Variants in SLC25A13 observed in about 807,000 individuals in gnomAD.
SLC25A13 encodes the protein electrogenic aspartate/glutamate antiporter SLC25A13, mitochondrial.
SLC25A13 carries 70 observed loss-of-function variants against 85.5 expected under a neutral mutation model. That is an observed-to-expected ratio of 0.82 (90% CI 0.68 to 1.00). The LOEUF is 1.00. Ranked by LOEUF, SLC25A13 falls within the 50% of genes least tolerant of loss-of-function variation. SLC25A13 has a pLI of 0.00. For synonymous variants in SLC25A13, 259 were observed against 288.7 expected (o/e 0.90, Z 1.04); for missense variants, 765 against 819.8 (o/e 0.93, Z 0.82).
intron 5 of SLC25A13, among the ~76,000 whole-genome samples, chr7:96,199,100 G>T (rs1309509538): frequency 6.6e-6 from 1 of 152,132 alleles, no homozygotes; most frequent in Non-Finnish European, 1.5e-5. Context: ...TCATCTCTTT[G>T]AATCCTCTCC....
At chr7:96,150,157 G>A (rs910248444) in intron 13 of SLC25A13, among the ~76,000 whole-genome samples, 17 of 151,536 alleles carry the variant, frequency 1.1e-4, no homozygotes, top group Middle Eastern at 6.8e-3. Context: ...TTATCATCTA[G>A]TATCTGGATC....
intron 13 of SLC25A13, among the ~76,000 whole-genome samples, chr7:96,148,685 C>T (rs753825502): frequency 6.6e-6 from 1 of 152,056 alleles, no homozygotes; most frequent in Non-Finnish European, 1.5e-5. Flanking sequence ...TTTTTTGAAG[C>T]TCAAAAGAGG....
In SLC25A13 at chr7:96,171,538, A is replaced by G; in HGVS notation, c.1178-14T>C. On this transcript the variant is annotated splice_polypyrimidine_tract_variant and intron_variant, in intron 11 of 17. Coordinates refer to ENST00000265631, the MANE Select transcript of SLC25A13 (RefSeq NM_014251.3). ...GTGGCAACAGACCTAAAAATCAACA[A>G]AAAGTAGAAGTATATTAAATAAATT... 1 of 1,605,682 alleles carries G rather than the reference A, an allele frequency of 6.2e-7. No homozygotes were observed. Among genetic ancestry groups the G allele is most frequent in the Non-Finnish European group, 8.5e-7 (1 of 1,172,486 alleles).
intron 1 of SLC25A13, among the ~76,000 whole-genome samples, chr7:96,311,953 T>C (rs1799967581): frequency 6.6e-6 from 1 of 152,178 alleles, no homozygotes. Context: ...GTTCACAAAC[T>C]GCTGTGAAGA....
At chr7:96,187,430 C>A (rs938962774) in intron 9 of SLC25A13, among the ~76,000 whole-genome samples, 2 of 152,178 alleles carry the variant, frequency 1.3e-5, no homozygotes, top group African/African-American at 2.4e-5. Context: ...CAAAACATTT[C>A]TTTTGCAAAT....
chr7:96,272,271 A>C (rs112621628), intron 3 of SLC25A13, among the ~76,000 whole-genome samples: 1,548 of 152,302 alleles, frequency 0.01, 27 homozygotes, highest in African/African-American at 0.036. Context: ...AAGGCCCATA[A>C]ACATATTAAT....
At chr7:96,223,471 A>T (rs1944143738) in intron 4 of SLC25A13, among the ~76,000 whole-genome samples, 1 of 152,158 alleles carries the variant, frequency 6.6e-6, no homozygotes, top group Admixed American at 6.5e-5. Context: ...TCTACTTGTG[A>T]CTTTCCTCAG....
At chr7:96,321,638 G>A (rs1366292357) in intron 1 of SLC25A13, among the ~76,000 whole-genome samples, 6 of 152,120 alleles carry the variant, frequency 3.9e-5, no homozygotes, top group African/African-American at 7.2e-5. Flanking sequence ...CCCCAGTCGC[G>A]CCCGCTCCTC....
intron 3 of SLC25A13, among the ~76,000 whole-genome samples, chr7:96,269,565 G>GA (rs1170469841): frequency 9.2e-5 from 14 of 152,264 alleles, no homozygotes; most frequent in Middle Eastern, 6.8e-3. Flanking sequence ...TAACGTCCCG[G>GA]AAAAAACAGC....
chr7:96,144,096 A>G (rs1169805053), intron 14 of SLC25A13, among the ~76,000 whole-genome samples: 1 of 152,196 alleles, frequency 6.6e-6, no homozygotes, highest in Admixed American at 6.5e-5. Flanking sequence ...ATTAAACTAC[A>G]AAGCAATGCT....
At chr7:96,277,372 A>G (rs1256074167) in intron 2 of SLC25A13, 34 bp from the exon 3 acceptor site, 1 of 1,578,990 alleles carries the variant, frequency 6.3e-7, no homozygotes, top group South Asian at 1.1e-5. Flanking sequence ...TATTTTATAT[A>G]TTTGATTTTC....
At chr7:96,135,776 T>A (rs754577905) in intron 14 of SLC25A13, among the ~76,000 whole-genome samples, 5 of 151,188 alleles carry the variant, frequency 3.3e-5, no homozygotes, top group Non-Finnish European at 4.4e-5. Context: ...TGAGAATTAA[T>A]AAGTTACAAA....
In SLC25A13 at chr7:96,149,262, T is replaced by C. The variant is rs562109242; in HGVS notation, c.1312-2566A>G. Among the ~76,000 whole-genome samples the C allele has an allele frequency of 9.3e-4, 142 of 152,308 alleles. 2 individuals are homozygous for C. The highest frequency in any genetic ancestry group is 1.1e-3 in the Non-Finnish European group (73 of 68,026). ...TTCCATATCATTTCACGAATAACTTTTATTTGTTTTACATCTGATCTCACA... is the reference window on the plus strand; with the variant it reads ...TTCCATATCATTTCACGAATAACTTCTATTTGTTTTACATCTGATCTCACA... On this transcript the variant is annotated intron_variant, in intron 13 of 17. Coordinates refer to ENST00000265631, the MANE Select transcript of SLC25A13 (RefSeq NM_014251.3).
At chr7:96,221,711 A>G (rs1796137459) in intron 4 of SLC25A13, among the ~76,000 whole-genome samples, 1 of 152,218 alleles carries the variant, frequency 6.6e-6, no homozygotes. Context: ...TCTCATTTCC[A>G]TACTTTTAAC....
rs542714952 is a variant in SLC25A13, at chr7:96,226,011, CT to C, written c.328+8790del. ...CTCTTTCAAAAAATGAAAATAAAAT[CT>C]TTTTTTTTTGGTGGAAAAAAACACT... On this transcript the variant is annotated intron_variant, in intron 4 of 17. Coordinates refer to ENST00000265631, the MANE Select transcript of SLC25A13 (RefSeq NM_014251.3). Among the ~76,000 whole-genome samples the C allele has an allele frequency of 8.9e-4, 131 of 147,668 alleles. 1 individual carries two copies. Among genetic ancestry groups the C allele is most frequent in the Non-Finnish European group, 1.3e-3 (85 of 66,402 alleles).
intron 2 of SLC25A13, chr7:96,283,544 G>T (rs1798765298): frequency 2.8e-6 from 1 of 358,222 alleles, no homozygotes; most frequent in Admixed American, 2.9e-5. Context: ...AAAAGTAGAG[G>T]AGTCTACAAT....
chr7:96,253,189 C>A (rs978772903), intron 3 of SLC25A13, among the ~76,000 whole-genome samples: 3 of 152,080 alleles, frequency 2.0e-5, no homozygotes, highest in African/African-American at 7.2e-5. Context: ...GGGGCAGAAT[C>A]TGAAGAGGAA....
chr7:96,300,074 A>G (rs1799495750), intron 1 of SLC25A13, among the ~76,000 whole-genome samples: 1 of 152,106 alleles, frequency 6.6e-6, no homozygotes, highest in Non-Finnish European at 1.5e-5. Context: ...AACTCTCCCA[A>G]TTTCTCCTAA....
chr7:96,246,514 G>A (rs960335458), intron 3 of SLC25A13, among the ~76,000 whole-genome samples: 2 of 151,984 alleles, frequency 1.3e-5, no homozygotes, highest in African/African-American at 4.8e-5. Flanking sequence ...TGCATCTGCC[G>A]TTGATCAATT....
Sources: allele counts gnomAD v4.1 joint callset (sites outside exome capture counted in the v4.1 genomes callset), GRCh38; gene constraint gnomAD v4.1.1; transcripts MANE v1.5; gene names NCBI Gene and HGNC (gene_info 2026-07-23, HGNC 2026-07-21).